The following GABRR1 variants were observed in gnomAD, a reference collection of about 807,000 sequenced individuals.
GABRR1 encodes the protein gamma-aminobutyric acid receptor subunit rho-1.
A neutral mutation model predicts 55.5 loss-of-function variants in GABRR1; 59 were observed. The ratio of observed to expected loss-of-function variants is 1.06; its 90% CI spans 0.86 to 1.32. The LOEUF (loss-of-function observed/expected upper bound fraction) is 1.32. GABRR1 is among the 40% of genes most tolerant of loss of function. The pLI is 0.00. For missense variants in GABRR1, 602 were observed against 619.1 expected (o/e 0.97, Z 0.29); for synonymous variants, 213 against 226.0 (o/e 0.94, Z 0.51).
At chr6:89,200,529 T>G (rs1240418082) in intron 3 of GABRR1, among the ~76,000 whole-genome samples, 1 of 151,980 alleles carries the variant, frequency 6.6e-6, no homozygotes, top group African/African-American at 2.4e-5. Context: ...CCCAAAATGT[T>G]AGGATTTCAG....
At chr6:89,197,338 C>T (rs1772328896) in intron 5 of GABRR1, among the ~76,000 whole-genome samples, 1 of 152,204 alleles carries the variant, frequency 6.6e-6, no homozygotes, top group Admixed American at 6.5e-5. Context: ...CAAGTGACCA[C>T]ATCCCTTCTC....
upstream of GABRR1, among the ~76,000 whole-genome samples, chr6:89,219,156 C>T (rs1326385482): frequency 6.6e-6 from 1 of 152,102 alleles, no homozygotes; most frequent in East Asian, 1.9e-4. Flanking sequence ...ATCTCAGCTA[C>T]TTGGGAGGCT....
chr6:89,187,203 T>TG lies in GABRR1; in HGVS notation c.656-1754dup, dbSNP rs111885010. Among the ~76,000 whole-genome samples, 4 of 151,400 alleles carry TG rather than the reference T, an allele frequency of 2.6e-5. No homozygotes were observed. The East Asian group carries it at 7.7e-4, about 29-fold the overall frequency. On this transcript the variant is annotated intron_variant, in intron 6 of 9. Transcript: ENST00000454853. ...CTGGCTCTTTCTGTGGCCTGGTTTC[T>TG]GGGGGGTGTGTGTGTGTGTGTGTGT...
rs935973789 is a variant in GABRR1, at chr6:89,178,297, A to T, written c.*473T>A. The T allele has an allele frequency of 3.0e-5, 5 of 167,914 alleles. 1 individual carries two copies. The highest frequency in any genetic ancestry group is 1.2e-4 in the African/African-American group (5 of 41,690). The allele number at this position is 167,914 out of a possible 1,614,324, so 10.4% of individuals were successfully genotyped here. On this transcript the variant is annotated 3_prime_UTR_variant, in exon 10 of 10. Transcript: ENST00000454853. The stretch of plus-strand genomic sequence containing the variant: ...GCATACAAAATAGGTAATAGGTTAT[A>T]AACTGAAGCATGAGTTTCTGTCAAA...
rs995910237 is a variant in GABRR1 at position 89,190,088 on chromosome 6, G to C, written c.655+77C>G. The C allele has an allele frequency of 4.0e-6, 4 of 995,042 alleles. No homozygotes were observed. In the African/African-American group the frequency reaches 6.6e-5, roughly 16 times the overall value. 61.6% of individuals were successfully genotyped at this position (995,042 alleles called of 1,614,324 possible). ...TACTCATGAATAAGGAACACACACT[G>C]TTCCTGCAGCTGAGAGTTAGAGGTG... On this transcript the variant is annotated intron_variant, in intron 6 of 9. Transcript: ENST00000454853.
At chr6:89,204,187 T>C (rs533330127) in intron 1 of GABRR1, among the ~76,000 whole-genome samples, 1 of 152,380 alleles carries the variant, frequency 6.6e-6, no homozygotes, top group South Asian at 2.1e-4. Context: ...TGTCCTTTTA[T>C]TCGATCATCA....
chr6:89,222,246 A>G (rs779508904), upstream of GABRR1, among the ~76,000 whole-genome samples: 9 of 152,224 alleles, frequency 5.9e-5, no homozygotes, highest in East Asian at 1.9e-4. Flanking sequence ...GGATAAAATT[A>G]TATCATGATG....
intron 5 of GABRR1, among the ~76,000 whole-genome samples, chr6:89,195,824 C>T (rs1021128722): frequency 2.0e-5 from 3 of 152,186 alleles, no homozygotes; most frequent in African/African-American, 4.8e-5. Context: ...CTTCCTAATT[C>T]TGCATTTAGT....
intron 1 of GABRR1, among the ~76,000 whole-genome samples, chr6:89,229,242 G>A (rs1477769998): frequency 6.6e-6 from 1 of 151,942 alleles, no homozygotes; most frequent in African/African-American, 2.4e-5. Context: ...TCTTTTAATT[G>A]GAGCATTTAG....
At chr6:89,220,646 G>C (rs1773100475), upstream of GABRR1, among the ~76,000 whole-genome samples, 1 of 152,180 alleles carries the variant, frequency 6.6e-6, no homozygotes, top group Non-Finnish European at 1.5e-5. Flanking sequence ...GAGAGAACCA[G>C]TTAGGGCCAG....
chr6:89,208,098 C>A (rs1053829715), intron 1 of GABRR1, among the ~76,000 whole-genome samples: 1 of 152,180 alleles, frequency 6.6e-6, no homozygotes, highest in African/African-American at 2.4e-5. Context: ...TGGCTGAAGG[C>A]GATGCTACAA....
upstream of GABRR1, chr6:89,217,405 C>G: frequency 2.7e-6 from 4 of 1,485,186 alleles, no homozygotes; most frequent in Middle Eastern, 5.2e-4. Flanking sequence ...CATTATTGGT[C>G]TGTTCATTAT....
intron 6 of GABRR1, among the ~76,000 whole-genome samples, chr6:89,186,498 TG>T (rs1771906501): frequency 6.6e-6 from 1 of 152,200 alleles, no homozygotes; most frequent in Non-Finnish European, 1.5e-5. Context: ...CCTGCAGATG[TG>T]GGACTCTTAG....
chr6:89,230,879 G>A (rs1028121043), intron 1 of GABRR1, among the ~76,000 whole-genome samples: 26 of 149,888 alleles, frequency 1.7e-4, no homozygotes, highest in Middle Eastern at 6.9e-3. Context: ...CCGCCTTGCA[G>A]TTTGATCTCA....
upstream of GABRR1, among the ~76,000 whole-genome samples, chr6:89,220,567 C>G (rs1002635958): frequency 6.6e-6 from 1 of 152,156 alleles, no homozygotes; most frequent in Non-Finnish European, 1.5e-5. Flanking sequence ...CACCACGTGG[C>G]TCTAATGCGG....
chr6:89,215,846 G>T (rs1772965067), intron 1 of GABRR1, among the ~76,000 whole-genome samples: 1 of 152,086 alleles, frequency 6.6e-6, no homozygotes, highest in Admixed American at 6.6e-5. Flanking sequence ...TTATTTAAAA[G>T]AAAGTCTATT....
At chr6:89,218,016 A>G (rs1773041169), upstream of GABRR1, among the ~76,000 whole-genome samples, 1 of 152,206 alleles carries the variant, frequency 6.6e-6, no homozygotes, top group South Asian at 2.1e-4. Flanking sequence ...AAATACCAGT[A>G]ATAAATTAAC....
upstream of GABRR1, among the ~76,000 whole-genome samples, chr6:89,218,586 A>G (rs1016443234): frequency 2.0e-5 from 3 of 152,204 alleles, no homozygotes. Context: ...TTGGCAATAT[A>G]GTTGTTTGCA....
At chr6:89,205,123 T>TTC (rs1307558551) in intron 1 of GABRR1, among the ~76,000 whole-genome samples, 1 of 152,148 alleles carries the variant, frequency 6.6e-6, no homozygotes, top group Non-Finnish European at 1.5e-5. Context: ...AAAACAACCC[T>TTC]ATGAAGTAGG....
Sources: gnomAD v4.1 joint callset for allele counts (sites outside exome capture counted in the v4.1 genomes callset) on GRCh38, gnomAD v4.1.1 for gene constraint, MANE v1.5 for transcripts, NCBI Gene and HGNC (gene_info 2026-07-23, HGNC 2026-07-21) for gene names.